CDH4: variants seen among roughly 807,000 people sequenced by gnomAD.
The protein encoded by CDH4 is cadherin-4.
In CDH4, 33 loss-of-function variants were observed where a neutral mutation model predicts 86.0. That is an observed-to-expected ratio of 0.38 (90% CI 0.29 to 0.51). CDH4 has a LOEUF of 0.51. CDH4 is among the 20% of genes least tolerant of loss of function. The pLI is 0.86. For synonymous variants in CDH4, 555 were observed against 549.4 expected (o/e 1.01, Z -0.14); for missense variants, 1,114 against 1,307.4 (o/e 0.85, Z 2.28).
intron 2 of CDH4, among the ~76,000 whole-genome samples, chr20:61,304,468 G>C (rs763732265): frequency 6.6e-6 from 1 of 152,118 alleles, no homozygotes; most frequent in Non-Finnish European, 1.5e-5. Flanking sequence ...AGGACAGGAC[G>C]CCTTTGGTCG....
At chr20:61,451,337 G>T (rs2145546455) in intron 2 of CDH4, among the ~76,000 whole-genome samples, 1 of 152,304 alleles carries the variant, frequency 6.6e-6, no homozygotes, top group East Asian at 1.9e-4. Flanking sequence ...GTGGTTCAGA[G>T]TGCTTGGCCT....
intron 2 of CDH4, among the ~76,000 whole-genome samples, chr20:61,416,647 G>T (rs566097163): frequency 2.0e-5 from 3 of 152,244 alleles, no homozygotes; most frequent in African/African-American, 7.2e-5. Flanking sequence ...TATTTTGGAG[G>T]AAGCTTTTGA....
chr20:61,578,783 C>T (rs1036752844), intron 2 of CDH4, among the ~76,000 whole-genome samples: 6 of 152,268 alleles, frequency 3.9e-5, no homozygotes, highest in East Asian at 3.9e-4. Context: ...TTCTCTCATC[C>T]GGTCCATTCT....
intron 2 of CDH4, among the ~76,000 whole-genome samples, chr20:61,399,145 A>C (rs1225882836): frequency 1.7e-5 from 1 of 57,958 alleles, no homozygotes; most frequent in Non-Finnish European, 3.0e-5. Flanking sequence ...TTTTTTTTTG[A>C]GACGGAGTCT....
intron 2 of CDH4, among the ~76,000 whole-genome samples, chr20:61,404,118 G>GA (rs2085065763): frequency 7.4e-6 from 1 of 135,516 alleles, no homozygotes; most frequent in South Asian, 2.2e-4. Flanking sequence ...CTGGGCAGGT[G>GA]CAGCTGAGCT....
intron 2 of CDH4, among the ~76,000 whole-genome samples, chr20:61,264,373 C>T (rs1301086798): frequency 6.6e-6 from 1 of 151,912 alleles, no homozygotes; most frequent in East Asian, 1.9e-4. Context: ...CTCAGTGGCT[C>T]CTTCATTCAG....
intron 2 of CDH4, among the ~76,000 whole-genome samples, chr20:61,609,051 C>G (rs2082298566): frequency 6.6e-6 from 1 of 152,234 alleles, no homozygotes; most frequent in Non-Finnish European, 1.5e-5. Flanking sequence ...TCCTGAATCA[C>G]AAGCCAGTTT....
chr20:61,923,830 A>C, intron 10 of CDH4, 126 bp downstream of exon 10: 1 of 1,200,564 alleles, frequency 8.3e-7, no homozygotes. Flanking sequence ...GGGCATCTCC[A>C]ACCTAAGGCG....
At chr20:61,416,667 G>A (rs2085148778) in intron 2 of CDH4, among the ~76,000 whole-genome samples, 2 of 152,160 alleles carry the variant, frequency 1.3e-5, no homozygotes, top group African/African-American at 4.8e-5. Flanking sequence ...AAATCGGTGT[G>A]CATTAGACAC....
At chr20:61,270,522 A>G (rs1198423880) in intron 2 of CDH4, among the ~76,000 whole-genome samples, 1 of 152,238 alleles carries the variant, frequency 6.6e-6, no homozygotes, top group Admixed American at 6.5e-5. Flanking sequence ...AGGATTCACA[A>G]TGACTTTTTC....
chr20:61,313,569 G>A (rs2084459574), intron 2 of CDH4, among the ~76,000 whole-genome samples: 2 of 152,202 alleles, frequency 1.3e-5, no homozygotes, highest in African/African-American at 2.4e-5. Context: ...ACGATCAGAC[G>A]GTTGCTTGCA....
intron 2 of CDH4, among the ~76,000 whole-genome samples, chr20:61,575,895 T>C (rs2086379240): frequency 6.6e-6 from 1 of 152,278 alleles, no homozygotes; most frequent in Admixed American, 6.5e-5. Context: ...AGGATTCAAC[T>C]CTGCCAGTAG....
chr20:61,563,881 C>T (rs2086241382), intron 2 of CDH4, among the ~76,000 whole-genome samples: 1 of 152,178 alleles, frequency 6.6e-6, no homozygotes, highest in Non-Finnish European at 1.5e-5. Flanking sequence ...GTTGTATTAA[C>T]AGGTGATGCG....
chr20:61,565,006 C>T (rs144932232), intron 2 of CDH4, among the ~76,000 whole-genome samples: 98 of 142,090 alleles, frequency 6.9e-4, no homozygotes, highest in East Asian at 3.5e-3. Flanking sequence ...TGGTAGACAG[C>T]GGGTACCCAA....
chr20:61,749,361 G>C (rs1475372085), intron 3 of CDH4, among the ~76,000 whole-genome samples: 1 of 152,176 alleles, frequency 6.6e-6, no homozygotes, highest in African/African-American at 2.4e-5. Context: ...TAACAGGTCT[G>C]GCTTTACTGA....
At chr20:61,263,527 G>C (rs6071558) in intron 2 of CDH4, among the ~76,000 whole-genome samples, 1 of 152,174 alleles carries the variant, frequency 6.6e-6, no homozygotes, top group Non-Finnish European at 1.5e-5. Context: ...TGCAGCCTAA[G>C]GTAGTTAGAA....
At chr20:61,691,119 C>T (rs190629832) in intron 2 of CDH4, among the ~76,000 whole-genome samples, 4 of 152,260 alleles carry the variant, frequency 2.6e-5, no homozygotes, top group East Asian at 1.9e-4. Context: ...CCCCACCCCT[C>T]GGCCAGCAGG....
chr20:61,920,470 C>T (rs941821500), intron 9 of CDH4, among the ~76,000 whole-genome samples: 7 of 144,066 alleles, frequency 4.9e-5, no homozygotes, highest in Non-Finnish European at 7.5e-5. Flanking sequence ...TGCATGGAAG[C>T]GCAGTGTCAC....
chr20:61,670,842 C>T (rs1338824810), intron 2 of CDH4, among the ~76,000 whole-genome samples: 1 of 152,110 alleles, frequency 6.6e-6, no homozygotes, highest in Non-Finnish European at 1.5e-5. Flanking sequence ...GGGCTGGGAT[C>T]AGTGGAGTGA....
Sources: gnomAD v4.1 joint callset for allele counts (sites outside exome capture counted in the v4.1 genomes callset) on GRCh38, gnomAD v4.1.1 for gene constraint, MANE v1.5 for transcripts, NCBI Gene and HGNC (gene_info 2026-07-23, HGNC 2026-07-21) for gene names.